HERC1: variants seen among roughly 807,000 people sequenced by gnomAD.
HERC1 encodes probable E3 ubiquitin-protein ligase HERC1.
In HERC1, 160 loss-of-function variants were observed where a neutral mutation model predicts 554.3. That is an observed-to-expected ratio of 0.29 (90% CI 0.25 to 0.33). The LOEUF is 0.33. Among genes scored for constraint, HERC1 ranks in the 10% least tolerant of loss-of-function variants. The probability of loss-of-function intolerance (pLI) is 1.00; values close to 1 mark genes in which losing one functional copy is unlikely to be tolerated. For missense variants in HERC1, 4,919 were observed against 5,918.5 expected, an observed-to-expected ratio of 0.83 and a Z score of 5.54; for synonymous variants, 2,175 against 2,131.7, an observed-to-expected ratio of 1.02 and a Z score of -0.56.
At chr15:63,703,981 T>A (rs1402864475) in intron 25 of HERC1, among the ~76,000 whole-genome samples, 1 of 151,714 alleles carries the variant, frequency 6.6e-6, no homozygotes, top group Non-Finnish European at 1.5e-5. Flanking sequence ...TTGTCCTTCA[T>A]GGCTCAAGTC....
intron 75 of HERC1, among the ~76,000 whole-genome samples, chr15:63,616,227 G>A (rs1050623708): frequency 8.6e-6 from 1 of 116,404 alleles, no homozygotes; most frequent in Non-Finnish European, 1.8e-5. Context: ...AAGGGGGAAG[G>A]AGCAACTAAG....
chr15:63,609,627 G>A (rs762144711), intron 77 of HERC1, among the ~76,000 whole-genome samples: 1 of 152,208 alleles, frequency 6.6e-6, no homozygotes, highest in African/African-American at 2.4e-5. Context: ...CCAAGAGGGT[G>A]CAGACTGGAA....
intron 17 of HERC1, among the ~76,000 whole-genome samples, chr15:63,726,385 A>G (rs2074041129): frequency 6.6e-6 from 1 of 152,230 alleles, no homozygotes; most frequent in Non-Finnish European, 1.5e-5. Context: ...TAGAGACTGA[A>G]AAATCCAAAA....
chr15:63,635,933 A>C (rs572443485), intron 65 of HERC1, 28 bp downstream of exon 65: 1 of 1,608,952 alleles, frequency 6.2e-7, no homozygotes, highest in African/African-American at 1.3e-5. Context: ...TTACAATGAA[A>C]GGCAAACTTA....
At chr15:63,826,777 T>C (rs1248770781) in intron 1 of HERC1, among the ~76,000 whole-genome samples, 1 of 83,188 alleles carries the variant, frequency 1.2e-5, no homozygotes, top group African/African-American at 4.2e-5. Flanking sequence ...TAATCACTTA[T>C]CTCTGGTAAA....
In HERC1 at chr15:63,718,743, A is replaced by G. The variant is rs757379778; in HGVS notation, c.3857+40T>C. 3.1e-6 allele frequency: 5 copies of G among 1,603,692 alleles called. No individual in the cohort carries two copies. Among genetic ancestry groups the G allele is most frequent in the Non-Finnish European group, 4.3e-6 (5 of 1,172,048 alleles). Reference sequence around the variant, plus strand: ...AAGTTACCTAATTTCTGACATCATGAGAGCAAATATTTGTCTGAGGATAGT... The same window carrying G: ...AAGTTACCTAATTTCTGACATCATGGGAGCAAATATTTGTCTGAGGATAGT... On this transcript the variant is annotated intron_variant, in intron 20 of 77. Transcript: ENST00000443617. The surrounding 1 kb of genome is among the most constrained non-coding windows in gnomAD (Gnocchi z 4.2).
intron 74 of HERC1, among the ~76,000 whole-genome samples, chr15:63,617,695 G>A (rs1187015323): frequency 1.3e-5 from 2 of 152,120 alleles, no homozygotes; most frequent in African/African-American, 2.4e-5. Context: ...CTTAATGATC[G>A]CCATTCTAAT....
At position 63,734,701 on chromosome 15, in the gene HERC1, T is replaced by C; in HGVS notation, c.2646+23A>G. 6.6e-7 allele frequency: 1 copy of C among 1,518,800 alleles called. No homozygotes were observed. The highest frequency in any genetic ancestry group is 8.8e-7 in the Non-Finnish European group (1 of 1,141,974). The allele number at this position is 1,518,800 out of a possible 1,614,324, so 94.1% of individuals were successfully genotyped here. A position where few individuals can be genotyped will look rare whatever the true frequency, so the allele number is the denominator to read the frequency against. ...AATTTTTAGGATACTACTGGTTTAC[T>C]TACACAGCAAGCAAAGGCCTACCTG... is the stretch of plus-strand genomic sequence containing the variant. On this transcript the variant is annotated intron_variant, in intron 13 of 77. Coordinates refer to ENST00000443617, the MANE Select transcript of HERC1 (RefSeq NM_003922.4). The surrounding 1 kb of genome is among the most constrained non-coding windows in gnomAD (Gnocchi z 4.6).
intron 40 of HERC1, among the ~76,000 whole-genome samples, chr15:63,667,991 A>G (rs774471988): frequency 6.6e-6 from 1 of 152,244 alleles, no homozygotes; most frequent in Non-Finnish European, 1.5e-5. Flanking sequence ...AGTTATATAC[A>G]GATTTTCAAC....
intron 75 of HERC1, among the ~76,000 whole-genome samples, chr15:63,616,173 C>T (rs972713616): frequency 1.3e-5 from 2 of 152,274 alleles, no homozygotes; most frequent in Admixed American, 1.3e-4. Context: ...CCTCAGGCCT[C>T]CCCTTCCACC....
intron 2 of HERC1, among the ~76,000 whole-genome samples, chr15:63,773,578 C>T (rs749473125): frequency 4.6e-5 from 7 of 150,874 alleles, no homozygotes; most frequent in Middle Eastern, 7.0e-3. Context: ...GACAGATTCT[C>T]GCTCTGTTGC....
rs2072160212 is a variant in HERC1, at chr15:63,692,344, G to A, written c.5830+67C>T. 1.6e-6 allele frequency: 2 copies of A among 1,256,596 alleles called. No homozygotes were observed. The highest frequency in any genetic ancestry group is 2.2e-6 in the Non-Finnish European group (2 of 920,246). The allele number at this position is 1,256,596 out of a possible 1,614,324, so 77.8% of individuals were successfully genotyped here. On this transcript the variant is annotated intron_variant, in intron 31 of 77. Coordinates refer to ENST00000443617, the MANE Select transcript of HERC1 (RefSeq NM_003922.4). The surrounding 1 kb of genome is among the most constrained non-coding windows in gnomAD (Gnocchi z 4.7). ...TACACATGGAGTGTTGCTAAAGTCT[G>A]GCATTATCTTAATAAAATGCAAGTA...
In HERC1 at chr15:63,680,871, T is replaced by C. The variant is rs1273602366; in HGVS notation, c.6226-95A>G. On this transcript the variant is annotated intron_variant, in intron 34 of 77. Coordinates refer to ENST00000443617, the MANE Select transcript of HERC1 (RefSeq NM_003922.4). The surrounding 1 kb of genome is among the most constrained non-coding windows in gnomAD (Gnocchi z 5.8). ...ATACTGAAAATATGTTTATAAATAA[T>C]ACTAATGCATTTATGGAAACATGTT... 1.3e-6 allele frequency: 1 copy of C among 756,520 alleles called. No individual in the cohort carries two copies. The highest frequency in any genetic ancestry group is 1.8e-5 in the African/African-American group (1 of 56,384). 46.9% of individuals were successfully genotyped at this position (756,520 alleles called of 1,614,324 possible). A position where few individuals can be genotyped will look rare whatever the true frequency, so the allele number is the denominator to read the frequency against.
intron 26 of HERC1, among the ~76,000 whole-genome samples, chr15:63,698,515 T>C (rs537320571): frequency 6.6e-6 from 1 of 152,250 alleles, no homozygotes; most frequent in Non-Finnish European, 1.5e-5. Context: ...AGTATATTGT[T>C]CTGAGAGATG....
intron 74 of HERC1, among the ~76,000 whole-genome samples, chr15:63,622,326 C>CTTTTTTTTTT (rs35490295): frequency 8.5e-6 from 1 of 117,592 alleles, no homozygotes. Flanking sequence ...TGCCTGTTTC[C>CTTTTTTTTTT]TTTTTTTTTT....
intron 74 of HERC1, 44 bp downstream of exon 74, chr15:63,622,771 A>G (rs2068140242): frequency 1.4e-6 from 2 of 1,387,486 alleles, no homozygotes; most frequent in East Asian, 4.9e-5. Context: ...GTGAGCTATT[A>G]TTATTATTTT....
At chr15:63,610,760 C>G (rs1342468295) in intron 77 of HERC1, among the ~76,000 whole-genome samples, 1 of 152,180 alleles carries the variant, frequency 6.6e-6, no homozygotes, top group East Asian at 1.9e-4. Context: ...GCAGGAAGGG[C>G]CTGTGTGTGA....
At chr15:63,707,068 G>A (rs1442024641) in intron 24 of HERC1, among the ~76,000 whole-genome samples, 1 of 152,078 alleles carries the variant, frequency 6.6e-6, no homozygotes, top group Non-Finnish European at 1.5e-5. Flanking sequence ...AATTAACATT[G>A]CAGAGTAGCA....
chr15:63,826,746 C>T (rs1451525449), intron 1 of HERC1, among the ~76,000 whole-genome samples: 10 of 133,346 alleles, frequency 7.5e-5, no homozygotes, highest in Admixed American at 1.6e-4. Context: ...CAAGGGGTCA[C>T]CCGAATGACT....
Sources: allele counts gnomAD v4.1 joint callset (sites outside exome capture counted in the v4.1 genomes callset), GRCh38; gene constraint gnomAD v4.1.1; non-coding constraint Gnocchi (gnomAD v3.1); transcripts MANE v1.5; gene names NCBI Gene and HGNC (gene_info 2026-07-23, HGNC 2026-07-21).